Variants in KCTD10 observed in about 807,000 individuals in gnomAD.
The protein encoded by KCTD10 is BTB/POZ domain-containing adapter for CUL3-mediated RhoA degradation protein 3.
A neutral mutation model predicts 34.6 loss-of-function variants in KCTD10; 13 were observed. That is an observed-to-expected ratio of 0.38 (90% confidence interval 0.24 to 0.60). The LOEUF is 0.60. Among genes scored for constraint, KCTD10 ranks in the 20% least tolerant of loss-of-function variants. The pLI is 0.66. For synonymous variants in KCTD10, 156 were observed against 168.8 expected (o/e 0.92, Z 0.59); for missense variants, 256 against 420.3 (o/e 0.61, Z 3.42).
intron 1 of KCTD10, among the ~76,000 whole-genome samples, chr12:109,473,845 G>A (rs973085905): frequency 6.7e-6 from 1 of 149,680 alleles, no homozygotes; most frequent in African/African-American, 2.5e-5. Flanking sequence ...ACAACGGCAC[G>A]ATCTCAGCTC....
At chr12:109,470,122 A>G (rs1873813462) in intron 1 of KCTD10, 1 of 1,029,630 alleles carries the variant, frequency 9.7e-7, no homozygotes, top group Non-Finnish European at 1.2e-6. Flanking sequence ...ACCTGTATAC[A>G]TGAACACCCT....
intron 2 of KCTD10, chr12:109,464,832 C>T (rs1390444080): frequency 2.2e-6 from 1 of 456,052 alleles, no homozygotes; most frequent in South Asian, 1.5e-5. Context: ...TGGCAAAAAT[C>T]CAGACTTCTG....
In KCTD10 at chr12:109,460,708, G is replaced by C. The variant is rs758410649; in HGVS notation, c.315C>G (p.Ile105Met). 8 of 1,614,010 alleles carry C rather than the reference G, an allele frequency of 5.0e-6. No homozygotes were observed. The highest frequency in any genetic ancestry group is 2.7e-5 in the African/African-American group (2 of 74,918). The stretch of plus-strand genomic sequence containing the variant: ...ACTTGGCTTCTGCTAGCAGCTCCTC[G>C]ATCTCCCGGCGGCTCTCGGGTAAAG... ...AVPLPESRREIEELLAEAKYY... is the reference protein window; with the variant it reads ...AVPLPESRREMEELLAEAKYY... The change falls in exon 3 of 7, where the codon ATC (isoleucine) becomes ATG (methionine). Residue 105 changes from isoleucine (I) to methionine (M), a missense_variant. By Grantham distance (10) the Ile-to-Met change is conservative. This residue lies in a region of KCTD10 where 155 missense variants were observed against 207.0 expected (regional missense o/e 0.75). Transcript: ENST00000228495. This position sits in a 1 kb window ranked among gnomAD's most constrained non-coding sequence, Gnocchi z 4.5.
At position 109,460,496 on chromosome 12, in the gene KCTD10, C is replaced by G; in HGVS notation, c.387+140G>C. On this transcript the variant is annotated intron_variant, in intron 3 of 6. Transcript: ENST00000228495. The surrounding 1 kb of genome is among the most constrained non-coding windows in gnomAD (Gnocchi z 4.5). ...CAGGGGTCACTCCAACCGAAGGAAT[C>G]GGGCTCCAGGGCAAACTCATTAACT... 1 of 889,100 alleles carries G rather than the reference C, an allele frequency of 1.1e-6. No individual in the cohort carries two copies. The highest frequency in any genetic ancestry group is 1.7e-6 in the Non-Finnish European group (1 of 588,080). 55.1% of individuals were successfully genotyped at this position (889,100 alleles called of 1,614,324 possible).
Position 109,460,305 on chromosome 12 carries a change from T to G in KCTD10, c.387+331A>C. 1 of 235,982 alleles carries G rather than the reference T, an allele frequency of 4.2e-6. No individual in the cohort carries two copies. The highest frequency in any genetic ancestry group is 8.3e-6 in the Non-Finnish European group (1 of 120,086). The allele number at this position is 235,982 out of a possible 1,614,324, so 14.6% of individuals were successfully genotyped here. ...TTATGCTGAGCTCCCAACAATGACT[T>G]GTGGGACTAGAGTAAGCCCTAAGAT... On this transcript the variant is annotated intron_variant, in intron 3 of 6. Transcript: ENST00000228495. This position sits in a 1 kb window ranked among gnomAD's most constrained non-coding sequence, Gnocchi z 4.5.
In KCTD10 at chr12:109,451,055, T is replaced by C. The variant is rs1398263598; in HGVS notation, c.*540A>G. The C allele has an allele frequency of 6.5e-6, 1 of 152,696 alleles. No homozygotes were observed. Among genetic ancestry groups the C allele is most frequent in the Admixed American group, 6.5e-5 (1 of 15,286 alleles). 9.5% of individuals were successfully genotyped at this position (152,696 alleles called of 1,614,324 possible). A position where few individuals can be genotyped will look rare whatever the true frequency, so the allele number is the denominator to read the frequency against. ...CCAAAGCCACATGGCAGAAAGCACG[T>C]CTAGCAAAGCAGTGGGGATTGTGCC... On this transcript the variant is annotated 3_prime_UTR_variant, in exon 7 of 7. Coordinates refer to ENST00000228495, the MANE Select transcript of KCTD10 (RefSeq NM_031954.5). The surrounding 1 kb of genome is among the most constrained non-coding windows in gnomAD (Gnocchi z 5.0).
chr12:109,468,676 G>A (rs1257085650), intron 2 of KCTD10, among the ~76,000 whole-genome samples: 6 of 133,014 alleles, frequency 4.5e-5, no homozygotes, highest in East Asian at 2.1e-4. Context: ...TTTTTGAGAC[G>A]GAGTCTCGCT....
intron 3 of KCTD10, chr12:109,459,136 G>A (rs909441234): frequency 2.0e-5 from 3 of 152,260 alleles, no homozygotes; most frequent in African/African-American, 7.2e-5. Flanking sequence ...GAAACAAGAT[G>A]AGCACGCTGT....
At chr12:109,469,243 G>C in intron 2 of KCTD10, 1 of 403,948 alleles carries the variant, frequency 2.5e-6, no homozygotes. Context: ...GGAGGACAAG[G>C]GTCCAGGGAA....
intron 6 of KCTD10, among the ~76,000 whole-genome samples, chr12:109,453,055 T>C (rs1389921585): frequency 6.6e-6 from 1 of 152,092 alleles, no homozygotes; most frequent in African/African-American, 2.4e-5. Flanking sequence ...TCCAAGGGCC[T>C]CTTTCTTTTC....
At chr12:109,467,182 A>G (rs1313554821) in intron 2 of KCTD10, among the ~76,000 whole-genome samples, 1 of 152,260 alleles carries the variant, frequency 6.6e-6, no homozygotes, top group Non-Finnish European at 1.5e-5. Context: ...AGTAAGAGGC[A>G]GCAAGTCCTG....
chr12:109,467,863 G>A (rs973967564), intron 2 of KCTD10, among the ~76,000 whole-genome samples: 1 of 152,130 alleles, frequency 6.6e-6, no homozygotes, highest in Non-Finnish European at 1.5e-5. Context: ...GTCGGGGACA[G>A]GGGGACAGAG....
At chr12:109,471,744 G>A (rs1389030731) in intron 1 of KCTD10, among the ~76,000 whole-genome samples, 1 of 152,204 alleles carries the variant, frequency 6.6e-6, no homozygotes, top group Non-Finnish European at 1.5e-5. Flanking sequence ...GGGTGAGGGT[G>A]TGTGTTGAGG....
rs565268871 is a variant in KCTD10 at position 109,473,320 on chromosome 12, AGACCT to A, written c.4-3597_4-3593del. Among the ~76,000 whole-genome samples the A allele has an allele frequency of 2.8e-3, 430 of 152,326 alleles. 4 individuals carry two copies. The highest frequency in any genetic ancestry group is 0.01 in the African/African-American group (418 of 41,570). Reference sequence around the variant, plus strand: ...AAAGTGTGGCTAAGGGTTTGGAGTTAGACCTGTGCATAAGGCCCCAGCCCTACCAC... The same window carrying A: ...AAAGTGTGGCTAAGGGTTTGGAGTTAGTGCATAAGGCCCCAGCCCTACCAC... On this transcript the variant is annotated intron_variant, in intron 1 of 6. Coordinates refer to ENST00000228495, the MANE Select transcript of KCTD10 (RefSeq NM_031954.5).
intron 2 of KCTD10, among the ~76,000 whole-genome samples, chr12:109,468,810 G>A (rs1259784509): frequency 1.3e-5 from 2 of 151,844 alleles, no homozygotes; most frequent in Non-Finnish European, 2.9e-5. Flanking sequence ...CCACCACCAC[G>A]CCCGGCTAAT....
intron 2 of KCTD10, among the ~76,000 whole-genome samples, chr12:109,462,219 T>C (rs535568008): frequency 1.3e-5 from 2 of 152,358 alleles, no homozygotes; most frequent in African/African-American, 4.8e-5. Context: ...TTTGCATGAA[T>C]TGCCAGGAAA....
chr12:109,457,647 G>A lies in KCTD10; in HGVS notation c.510C>T (p.Asn170=). 1 of 1,614,220 alleles carries A rather than the reference G, an allele frequency of 6.2e-7. No individual in the cohort carries two copies. Among genetic ancestry groups the A allele is most frequent in the Non-Finnish European group, 8.5e-7 (1 of 1,180,024 alleles). ...CGCCTTACCTGGTATATGAGTATTT[G>A]TTGTTACTTCTGTTGTAGAGCAACT... ...AVKLLYNRSN[N]KYSYTSNSDD... The change falls in exon 5 of 7, where the codon AAC becomes AAT. Residue 170 remains asparagine (N), a synonymous_variant. Transcript: ENST00000228495.
chr12:109,460,929 G>T lies in KCTD10; in HGVS notation c.218-124C>A. 1.1e-6 allele frequency: 1 copy of T among 936,120 alleles called. No individual in the cohort carries two copies. The allele number at this position is 936,120 out of a possible 1,614,324, so 58.0% of individuals were successfully genotyped here. ...CGGAGAGCGGGACTGCCTGGAGAAT[G>T]GCAGCCTCACCTGCCTACCTGCCCA... On this transcript the variant is annotated intron_variant, in intron 2 of 6. Transcript: ENST00000228495. The surrounding 1 kb of genome is among the most constrained non-coding windows in gnomAD (Gnocchi z 4.5).
intron 1 of KCTD10, chr12:109,470,408 C>T (rs1873827668): frequency 7.1e-6 from 7 of 985,478 alleles, no homozygotes; most frequent in Non-Finnish European, 8.4e-6. Flanking sequence ...AGCAAGATCC[C>T]ACTACCATCT....
Sources: gnomAD v4.1 joint callset for allele counts (sites outside exome capture counted in the v4.1 genomes callset) on GRCh38, gnomAD v4.1.1 for gene constraint, gnomAD v4.1.1 regional missense constraint, Gnocchi (gnomAD v3.1) non-coding constraint, MANE v1.5 for transcripts, NCBI Gene and HGNC (gene_info 2026-07-23, HGNC 2026-07-21) for gene names.